Variants in NPHP4 observed in about 807,000 individuals in gnomAD.
NPHP4 encodes nephrocystin-4.
In NPHP4, 151 loss-of-function variants were observed where a neutral mutation model predicts 155.8. The ratio of observed to expected loss-of-function variants is 0.97; its 90% CI spans 0.85 to 1.11. The LOEUF is 1.11. Ranked by LOEUF, NPHP4 falls within the 50% of genes least tolerant of loss-of-function variation. The pLI is 0.00. For missense variants in NPHP4, 1,956 were observed against 1,925.7 expected (o/e 1.02, Z -0.29); for synonymous variants, 845 against 816.8 (o/e 1.03, Z -0.59).
intron 9 of NPHP4, among the ~76,000 whole-genome samples, chr1:5,936,075 G>A (rs1200788951): frequency 6.6e-6 from 1 of 152,000 alleles, no homozygotes; most frequent in Non-Finnish European, 1.5e-5. Context: ...TCCACTTAGG[G>A]GATTCCAATA....
At chr1:5,954,151 C>T (rs1648740445) in intron 6 of NPHP4, among the ~76,000 whole-genome samples, 1 of 152,030 alleles carries the variant, frequency 6.6e-6, no homozygotes, top group Admixed American at 6.6e-5. Context: ...TAATCAAAGA[C>T]AGAAGCAAAG....
chr1:5,864,345 A>G lies in NPHP4; in HGVS notation c.3989T>C (p.Ile1330Thr). The change falls in exon 28 of 30, where the codon ATC (isoleucine) becomes ACC (threonine). Residue 1330 changes from isoleucine (I) to threonine (T), a missense_variant. Transcript: ENST00000378156. ...CCTGCCACACATACAGACCTTGGAG[A>G]TGAGCGGCTGGCGGCAGCAGAGGCA... ...LVCLCCRQPL[I>T]SKAFEIMLAA... The G allele has an allele frequency of 6.2e-7, 1 of 1,606,506 alleles. No homozygotes were observed. Among genetic ancestry groups the G allele is most frequent in the Non-Finnish European group, 8.5e-7 (1 of 1,175,616 alleles).
chr1:5,988,713 C>T (rs751464128), intron 1 of NPHP4, among the ~76,000 whole-genome samples: 34 of 152,152 alleles, frequency 2.2e-4, no homozygotes, highest in Middle Eastern at 6.3e-3. Flanking sequence ...GTGTGGGAAC[C>T]GAGAGGACAT....
intron 12 of NPHP4, among the ~76,000 whole-genome samples, chr1:5,907,593 CG>C (rs1412083855): frequency 6.6e-6 from 1 of 152,248 alleles, no homozygotes. Context: ...CAGTTCTAGC[CG>C]CCTGCGTTCC....
At chr1:5,917,691 C>T (rs1420654225) in intron 11 of NPHP4, among the ~76,000 whole-genome samples, 1 of 152,188 alleles carries the variant, frequency 6.6e-6, no homozygotes, top group Non-Finnish European at 1.5e-5. Context: ...GAAACAGTCC[C>T]CACCGTGAGC....
intron 11 of NPHP4, among the ~76,000 whole-genome samples, chr1:5,912,732 C>T (rs1190456174): frequency 6.6e-6 from 1 of 152,082 alleles, no homozygotes; most frequent in African/African-American, 2.4e-5. Flanking sequence ...CTGTAGGTCC[C>T]TGATGGAGCC....
At position 5,863,975 on chromosome 1, in the gene NPHP4, T is replaced by C. The variant is rs781300452; in HGVS notation, c.4055A>G (p.Tyr1352Cys). 1 of 1,613,778 alleles carries C rather than the reference T, an allele frequency of 6.2e-7. No homozygotes were observed. Among genetic ancestry groups the C allele is most frequent in the Non-Finnish European group, 8.5e-7 (1 of 1,179,766 alleles). Reference sequence around the variant, plus strand: ...CCTCCGGGAGGGGTAGGGGTTGGTGTAGGTGATCCTCTTGTTGACACCCTT... The same window carrying C: ...CCTCCGGGAGGGGTAGGGGTTGGTGCAGGTGATCCTCTTGTTGACACCCTT... ...EGKGVNKRIT[Y>C]TNPYPSRRTF... Residue 1352 changes from tyrosine to cysteine, a missense_variant, in exon 29 of 30, where the codon TAC (tyrosine) becomes TGC (cysteine). Transcript: ENST00000378156.
chr1:5,911,798 T>C (rs2101337229), intron 11 of NPHP4, among the ~76,000 whole-genome samples: 1 of 152,284 alleles, frequency 6.6e-6, no homozygotes, highest in East Asian at 1.9e-4. Flanking sequence ...AATCTCTTTG[T>C]TTTAATGTTC....
At chr1:5,970,065 A>AG (rs2102266227) in intron 3 of NPHP4, among the ~76,000 whole-genome samples, 1 of 152,300 alleles carries the variant, frequency 6.6e-6, no homozygotes, top group Admixed American at 6.5e-5. Flanking sequence ...TGCCAGGCCC[A>AG]GGGAGAGGAG....
intron 25 of NPHP4, among the ~76,000 whole-genome samples, 165 bp from the exon 26 acceptor site, chr1:5,866,623 A>G (rs1428352040): frequency 1.3e-5 from 2 of 152,098 alleles, no homozygotes; most frequent in African/African-American, 4.8e-5. Context: ...GTTCACTGCC[A>G]AAGAGAAGAT....
chr1:5,866,436 A>G lies in NPHP4; in HGVS notation c.3581T>C (p.Ile1194Thr). 1 of 1,605,634 alleles carries G rather than the reference A, an allele frequency of 6.2e-7. No individual in the cohort carries two copies. Among genetic ancestry groups the G allele is most frequent in the East Asian group, 2.2e-5 (1 of 44,604 alleles). ...TGGACCACTGGCCACCTTCAGAAAT[A>G]TGTCCCGTGGTTCCCCGGGGCCCTG... ...QNVGPGEPRD[I>T]FLKVASGPSP... The change falls in exon 26 of 30, where the codon ATA becomes ACA. Residue 1194 changes from isoleucine (I) to threonine (T), a missense_variant. Transcript: ENST00000378156.
chr1:5,977,054 C>T (rs1653730814), intron 3 of NPHP4, among the ~76,000 whole-genome samples: 1 of 152,162 alleles, frequency 6.6e-6, no homozygotes, highest in Non-Finnish European at 1.5e-5. Context: ...GAGACCCTCT[C>T]ATCACCTCTG....
At chr1:5,927,554 G>A in intron 11 of NPHP4, 95 bp downstream of exon 11, 2 of 1,276,938 alleles carry the variant, frequency 1.6e-6, no homozygotes, top group East Asian at 2.4e-5. Context: ...TACAAATGTG[G>A]TGATTACCGT....
rs570812932 is a variant in NPHP4, at chr1:5,982,429, C to A, written c.135+3726G>T. ...GAGCCTAGGTGTGAGGCAGGCTCTA[C>A]CCTCTAGGTTTACGTAAGTACATCC... On this transcript the variant is annotated intron_variant, in intron 2 of 29. Transcript: ENST00000378156. Among the ~76,000 whole-genome samples the A allele has an allele frequency of 1.1e-4, 17 of 152,326 alleles. 1 individual carries two copies. The highest frequency in any genetic ancestry group is 3.8e-4 in the African/African-American group (16 of 41,562).
At chr1:5,942,793 C>T (rs1351588212) in intron 9 of NPHP4, among the ~76,000 whole-genome samples, 6 of 152,106 alleles carry the variant, frequency 3.9e-5, no homozygotes, top group Non-Finnish European at 5.9e-5. Flanking sequence ...AACAATAAAT[C>T]AGGCAAATCT....
intron 9 of NPHP4, among the ~76,000 whole-genome samples, chr1:5,943,834 C>A (rs1646947635): frequency 1.3e-5 from 2 of 152,154 alleles, no homozygotes; most frequent in African/African-American, 4.8e-5. Flanking sequence ...CTCCAGAGCC[C>A]TGTCTTTTGG....
At chr1:5,935,746 G>A (rs1646504451) in intron 9 of NPHP4, among the ~76,000 whole-genome samples, 1 of 152,084 alleles carries the variant, frequency 6.6e-6, no homozygotes, top group Non-Finnish European at 1.5e-5. Flanking sequence ...ATGGTTGTAG[G>A]CACCTGTAAT....
chr1:5,880,001 G>C, intron 19 of NPHP4, 113 bp downstream of exon 19: 1 of 1,268,492 alleles, frequency 7.9e-7, no homozygotes, highest in Non-Finnish European at 1.1e-6. Flanking sequence ...ACCACGAATG[G>C]TGCACACACA....
At chr1:5,977,153 G>A (rs1392850485) in intron 3 of NPHP4, among the ~76,000 whole-genome samples, 2 of 152,266 alleles carry the variant, frequency 1.3e-5, no homozygotes, top group East Asian at 1.9e-4. Context: ...CTGTGAAGCA[G>A]CAGCCAGGCA....
Sources: allele counts gnomAD v4.1 joint callset (sites outside exome capture counted in the v4.1 genomes callset), GRCh38; gene constraint gnomAD v4.1.1; transcripts MANE v1.5; gene names NCBI Gene and HGNC (gene_info 2026-07-23, HGNC 2026-07-21).